The following GPATCH8 variants were observed in gnomAD, a reference collection of about 807,000 sequenced individuals.
GPATCH8 encodes G-patch domain containing 8, also known as G patch domain-containing protein 8.
A neutral mutation model predicts 118.3 loss-of-function variants in GPATCH8; 18 were observed. The ratio of observed to expected loss-of-function variants is 0.15; its 90% CI spans 0.11 to 0.23. GPATCH8 has a LOEUF of 0.23. Ranked by LOEUF, GPATCH8 falls within the 10% of genes least tolerant of loss-of-function variation. The pLI, the probability that GPATCH8 is intolerant of heterozygous loss-of-function variation, is 1.00. For missense variants in GPATCH8, 1,631 were observed against 1,873.8 expected, an observed-to-expected ratio of 0.87 and a Z score of 2.39; for synonymous variants, 659 against 684.7, an observed-to-expected ratio of 0.96 and a Z score of 0.59.
At chr17:44,422,153 TTAAA>T (rs1210381218) in intron 6 of GPATCH8, among the ~76,000 whole-genome samples, 2 of 152,214 alleles carry the variant, frequency 1.3e-5, no homozygotes, top group East Asian at 1.9e-4. Context: ...AATGTCTTAA[TTAAA>T]TAAAGATAAT....
intron 6 of GPATCH8, among the ~76,000 whole-genome samples, chr17:44,417,744 GTAACA>G (rs1472298416): frequency 1.3e-5 from 2 of 152,162 alleles, no homozygotes; most frequent in African/African-American, 4.8e-5. Context: ...AGTTTGGCAG[GTAACA>G]TAATGAGTCA....
intron 5 of GPATCH8, among the ~76,000 whole-genome samples, chr17:44,433,084 G>A (rs963492488): frequency 1.2e-4 from 18 of 151,824 alleles, no homozygotes; most frequent in African/African-American, 4.1e-4. Flanking sequence ...CTGGGCTCAA[G>A]CAATCCTCCC....
At chr17:44,406,499 G>GT (rs1039448534) in intron 6 of GPATCH8, among the ~76,000 whole-genome samples, 1 of 131,258 alleles carries the variant, frequency 7.6e-6, no homozygotes, top group Non-Finnish European at 1.6e-5. Flanking sequence ...GCTTACATGG[G>GT]GGGGGGGGGT....
rs776390788 is a variant in GPATCH8 at position 44,436,525 on chromosome 17, T to C, written c.214A>G (p.Ile72Val). The C allele has an allele frequency of 5.0e-5, 76 of 1,508,866 alleles. No individual in the cohort carries two copies. Among genetic ancestry groups the C allele is most frequent in the Middle Eastern group, 3.4e-4 (2 of 5,908 alleles). The allele number at this position is 1,508,866 out of a possible 1,614,324, so 93.5% of individuals were successfully genotyped here. Reference sequence around the variant, plus strand: ...CCCATGACATCATACTTGACAACGATTGGAATGGGATCTGTTCTCCCTGTA... The same window carrying C: ...CCCATGACATCATACTTGACAACGACTGGAATGGGATCTGTTCTCCCTGTA... ...SLQGRTDPIP[I>V]VVKYDVMGMG... is the part of the protein sequence containing the mutation. Residue 72 changes from isoleucine (I) to valine (V), a missense_variant, in exon 4 of 8, where the codon ATC becomes GTC. Coordinates refer to ENST00000591680, the MANE Select transcript of GPATCH8 (RefSeq NM_001002909.4).
In GPATCH8 at chr17:44,400,971, G is replaced by A; in HGVS notation, c.1106C>T (p.Ser369Phe). 2 of 1,614,044 alleles carry A rather than the reference G, an allele frequency of 1.2e-6. No homozygotes were observed. The highest frequency in any genetic ancestry group is 1.7e-6 in the Non-Finnish European group (2 of 1,179,960). ...KEDEDPQDGG[S>F]LASTLSKLKR... The stretch of plus-strand genomic sequence containing the variant: ...TAATTTGGATAATGTTGAGGCAAGG[G>A]ACCCTCCATCCTGAGGGTCTTCATC... The change falls in exon 8 of 8, where the codon TCC (serine) becomes TTC (phenylalanine). Residue 369 changes from serine (S) to phenylalanine (F), a missense_variant. Around this residue, in one of 8 missense-constraint regions of GPATCH8, gnomAD observed 405 missense variants for 462.7 expected, o/e 0.88. Coordinates refer to ENST00000591680, the MANE Select transcript of GPATCH8 (RefSeq NM_001002909.4).
In GPATCH8 at chr17:44,395,524, T is replaced by C. The variant is rs1450852066; in HGVS notation, c.*2044A>G. On this transcript the variant is annotated 3_prime_UTR_variant, in exon 8 of 8. Transcript: ENST00000591680. Reference sequence around the variant, plus strand: ...AAGCAGCACGAAAATGTTAATACTGTATTATTTATTTACATGGGCTGAAAG... The same window carrying C: ...AAGCAGCACGAAAATGTTAATACTGCATTATTTATTTACATGGGCTGAAAG... The C allele has an allele frequency of 2.2e-6, 1 of 454,348 alleles. No homozygotes were observed. The highest frequency in any genetic ancestry group is 2.0e-5 in the African/African-American group (1 of 49,998). The allele number at this position is 454,348 out of a possible 1,614,324, so 28.1% of individuals were successfully genotyped here. A position where few individuals can be genotyped will look rare whatever the true frequency, so the allele number is the denominator to read the frequency against.
chr17:44,487,459 A>G (rs564706939), intron 1 of GPATCH8, among the ~76,000 whole-genome samples: 283 of 152,336 alleles, frequency 1.9e-3, no homozygotes, highest in Middle Eastern at 0.014. Flanking sequence ...AGAATGCTAT[A>G]AACATCCATG....
intron 3 of GPATCH8, chr17:44,436,842 G>A: frequency 2.8e-6 from 1 of 360,096 alleles, no homozygotes; most frequent in Non-Finnish European, 5.1e-6. Context: ...GGTTTAAATT[G>A]TAAAACTTTA....
At chr17:44,502,194 A>G (rs1327320078) in intron 1 of GPATCH8, among the ~76,000 whole-genome samples, 1 of 152,112 alleles carries the variant, frequency 6.6e-6, no homozygotes, top group Non-Finnish European at 1.5e-5. Flanking sequence ...TTATTTACCA[A>G]TCCTATCATC....
At chr17:44,462,616 T>C (rs2051597728) in intron 3 of GPATCH8, among the ~76,000 whole-genome samples, 1 of 152,218 alleles carries the variant, frequency 6.6e-6, no homozygotes, top group African/African-American at 2.4e-5. Flanking sequence ...AACATATTTA[T>C]TGAGCATCTC....
chr17:44,480,657 T>C (rs1258402849), intron 1 of GPATCH8, among the ~76,000 whole-genome samples: 2 of 147,992 alleles, frequency 1.4e-5, no homozygotes, highest in African/African-American at 5.0e-5. Context: ...AAGGAGGAGG[T>C]TGCAGTGAGC....
At chr17:44,467,171 G>A in intron 2 of GPATCH8, 1 of 769,922 alleles carries the variant, frequency 1.3e-6, no homozygotes, top group Non-Finnish European at 1.9e-6. Context: ...ATCACTAATG[G>A]TCGTTTTTTT....
At chr17:44,421,001 C>G (rs1038517248) in intron 6 of GPATCH8, among the ~76,000 whole-genome samples, 2 of 151,954 alleles carry the variant, frequency 1.3e-5, no homozygotes, top group Non-Finnish European at 2.9e-5. Flanking sequence ...ACTAGCCAGG[C>G]CACCACGCCT....
rs371018381 is a variant in GPATCH8, at chr17:44,400,877, T to A, written c.1200A>T (p.Ala400=). 1.5e-5 allele frequency: 25 copies of A among 1,613,998 alleles called. No individual in the cohort carries two copies. Among genetic ancestry groups the A allele is most frequent in the Non-Finnish European group, 2.1e-5 (25 of 1,179,812 alleles). The part of the protein sequence containing the change: ...EPEYYHYIPP[A]HCKVKPNFPF... ...GAAAATTAGGTTTTACTTTGCAGTG[T>A]GCTGGGGGGATGTAGTGGTAATACT... Residue 400 remains alanine (A), a synonymous_variant, in exon 8 of 8, where the codon GCA becomes GCT. Transcript: ENST00000591680.
chr17:44,500,268 A>G (rs1311759845), intron 1 of GPATCH8, among the ~76,000 whole-genome samples: 1 of 152,226 alleles, frequency 6.6e-6, no homozygotes. Flanking sequence ...GTAATTGGCT[A>G]AGTTACTTAA....
At chr17:44,475,434 C>G (rs1384728994) in intron 1 of GPATCH8, among the ~76,000 whole-genome samples, 1 of 151,160 alleles carries the variant, frequency 6.6e-6, no homozygotes, top group African/African-American at 2.4e-5. Context: ...CGCGGTGGCT[C>G]ACGCCTGTAA....
chr17:44,432,464 G>A (rs1446445458), intron 5 of GPATCH8, among the ~76,000 whole-genome samples: 2 of 152,294 alleles, frequency 1.3e-5, no homozygotes, highest in East Asian at 3.9e-4. Context: ...CATGACACAT[G>A]AGAGGATTAA....
intron 1 of GPATCH8, among the ~76,000 whole-genome samples, chr17:44,478,665 A>T (rs1967964104): frequency 6.6e-6 from 1 of 151,992 alleles, no homozygotes; most frequent in Admixed American, 6.6e-5. Context: ...TGTCTCAAAA[A>T]CAAAAAAAAA....
intron 3 of GPATCH8, among the ~76,000 whole-genome samples, chr17:44,445,508 T>C (rs939442534): frequency 3.9e-5 from 6 of 152,094 alleles, no homozygotes; most frequent in Non-Finnish European, 8.8e-5. Context: ...TTTTCTTTTT[T>C]TTTTTTCCCC....
Sources: allele counts gnomAD v4.1 joint callset (sites outside exome capture counted in the v4.1 genomes callset), GRCh38; gene constraint gnomAD v4.1.1; regional missense constraint gnomAD v4.1.1; transcripts MANE v1.5; gene names NCBI Gene and HGNC (gene_info 2026-07-23, HGNC 2026-07-21).